RSRP1: variants seen among roughly 807,000 people sequenced by gnomAD.
RSRP1 encodes the protein arginine and serine rich protein 1.
In RSRP1, 37 loss-of-function variants were observed where a neutral mutation model predicts 33.0. The ratio of observed to expected loss-of-function variants is 1.12; its 90% CI spans 0.86 to 1.48. The LOEUF (loss-of-function observed/expected upper bound fraction) is 1.48, where lower values mean the gene tolerates loss of function less well. Ranked by LOEUF, RSRP1 falls within the 40% of genes most tolerant of loss-of-function variation. RSRP1 has a pLI of 0.00. For missense variants in RSRP1, 402 were observed against 385.3 expected, an observed-to-expected ratio of 1.04 and a Z score of -0.36; for synonymous variants, 167 against 158.7, an observed-to-expected ratio of 1.05 and a Z score of -0.40.
intron 1 of RSRP1, among the ~76,000 whole-genome samples, chr1:25,271,041 C>T (rs1293171134): frequency 4.6e-5 from 6 of 130,334 alleles, no homozygotes; most frequent in Admixed American, 2.3e-4. Context: ...TTGATAAAAG[C>T]GTTTTCCTCT....
At chr1:25,299,675 C>A (rs138535397) in intron 1 of RSRP1, among the ~76,000 whole-genome samples, 3,390 of 96,518 alleles carry the variant, frequency 0.035, 27 homozygotes, top group Non-Finnish European at 0.046. Context: ...TGGCAAGAAC[C>A]TGGACCTTGA....
chr1:25,307,742 C>G lies in RSRP1; in HGVS notation c.-67+30236G>C, dbSNP rs547427205. On this transcript the variant is annotated intron_variant, in intron 1 of 1. Transcript: ENST00000561867. The stretch of plus-strand genomic sequence containing the variant: ...TCTCAGAGAAATCATGGAGGCGCTG[C>G]GGTTCCTACCGGTTCTTGGATGCCT... 3.4e-4 allele frequency: 448 copies of G among 1,306,226 alleles called. 67 individuals are homozygous for G. The African/African-American group carries it at 4.9e-3, about 14-fold the overall frequency. The allele number at this position is 1,306,226 out of a possible 1,614,324, so 80.9% of individuals were successfully genotyped here. A position where few individuals can be genotyped will look rare whatever the true frequency, so the allele number is the denominator to read the frequency against.
chr1:25,319,811 A>G (rs1458257263), intron 1 of RSRP1, among the ~76,000 whole-genome samples: 2 of 132,738 alleles, frequency 1.5e-5, no homozygotes, highest in Non-Finnish European at 1.8e-5. Flanking sequence ...GAAATAGCAG[A>G]TTAGAGGTGG....
chr1:25,287,938 G>A lies in RSRP1; in HGVS notation c.-66-40909C>T, dbSNP rs181952145. Reference sequence around the variant, plus strand: ...GGGTTTCACCAGGTGGGTCAGGTTGGTCTGGAACTCCCGACCTCAAGTGAT... The same window carrying A: ...GGGTTTCACCAGGTGGGTCAGGTTGATCTGGAACTCCCGACCTCAAGTGAT... On this transcript the variant is annotated intron_variant, in intron 1 of 1. Transcript: ENST00000561867. Among the ~76,000 whole-genome samples the A allele has an allele frequency of 2.0e-4, 27 of 132,212 alleles. 5 individuals are homozygous for A. The highest frequency in any genetic ancestry group is 4.8e-4 in the Non-Finnish European group (27 of 55,764). The allele number at this position is 132,212 out of a possible 152,430, so 86.7% of individuals were successfully genotyped here.
rs1225876530 is a variant in RSRP1, at chr1:25,330,427, T to C, written c.-67+7551A>G. On this transcript the variant is annotated intron_variant, in intron 1 of 1. Transcript: ENST00000561867. ...TTACATAATACTTGAAAAATAAAAA[T>C]GAACAAGCTAACAAACTACCAAGTT... The C allele has an allele frequency of 1.5e-5, 2 of 133,168 alleles. 1 individual carries two copies. The highest frequency in any genetic ancestry group is 5.1e-5 in the African/African-American group (2 of 39,044). 8.2% of individuals were successfully genotyped at this position (133,168 alleles called of 1,614,324 possible). A position where few individuals can be genotyped will look rare whatever the true frequency, so the allele number is the denominator to read the frequency against.
At chr1:25,289,701 G>A (rs1642326329) in intron 1 of RSRP1, among the ~76,000 whole-genome samples, 1 of 126,346 alleles carries the variant, frequency 7.9e-6, no homozygotes, top group African/African-American at 2.7e-5. Flanking sequence ...CCTCCAGGAA[G>A]TCCTCCCTGA....
Position 25,301,665 on chromosome 1 carries a change from C to A in RSRP1, c.-67+36313G>T, listed in dbSNP as rs1170243924. ...CCATCTCAGGGTCATCCTTGGCTCA[C>A]CCCCAAGGGAAGATCAGCAAGGTGA... On this transcript the variant is annotated intron_variant, in intron 1 of 1. Transcript: ENST00000561867. 38 of 1,379,722 alleles carry A rather than the reference C, an allele frequency of 2.8e-5. 11 individuals carry two copies. Among genetic ancestry groups the A allele is most frequent in the Admixed American group, 8.8e-5 (5 of 56,512 alleles). The allele number at this position is 1,379,722 out of a possible 1,614,324, so 85.5% of individuals were successfully genotyped here.
chr1:25,288,755 ACTGT>A (rs1212504964), intron 1 of RSRP1, among the ~76,000 whole-genome samples: 2 of 125,902 alleles, frequency 1.6e-5, no homozygotes, highest in African/African-American at 5.5e-5. Context: ...ACTGCACATC[ACTGT>A]CTTAGCACCT....
chr1:25,334,068 T>G (rs1645048954), intron 1 of RSRP1, among the ~76,000 whole-genome samples: 1 of 129,444 alleles, frequency 7.7e-6, no homozygotes, highest in Non-Finnish European at 1.8e-5. Context: ...CTTAAATGAT[T>G]TCAGCATTAA....
chr1:25,305,080 G>C (rs1193950252), intron 1 of RSRP1, among the ~76,000 whole-genome samples: 6 of 132,942 alleles, frequency 4.5e-5, no homozygotes, highest in South Asian at 2.3e-4. Flanking sequence ...AGAACAGCAA[G>C]AGGGCACATC....
rs1189551719 is a variant in RSRP1 at position 25,242,313 on chromosome 1, A to T, written c.*276T>A. On this transcript the variant is annotated 3_prime_UTR_variant, in exon 5 of 5. Transcript: ENST00000243189. ...GGAATACAGTTCAATTACTGTGTCTAAAAAATTTCATTTTTACATAACCAA... is the reference window on the plus strand; with the variant it reads ...GGAATACAGTTCAATTACTGTGTCTTAAAAATTTCATTTTTACATAACCAA... 4.5e-6 allele frequency: 1 copy of T among 222,138 alleles called. No homozygotes were observed. Among genetic ancestry groups the T allele is most frequent in the Non-Finnish European group, 8.8e-6 (1 of 113,430 alleles). 13.8% of individuals were successfully genotyped at this position (222,138 alleles called of 1,614,324 possible). A position where few individuals can be genotyped will look rare whatever the true frequency, so the allele number is the denominator to read the frequency against.
intron 1 of RSRP1, among the ~76,000 whole-genome samples, chr1:25,319,602 C>G (rs1391477808): frequency 7.6e-6 from 1 of 132,048 alleles, no homozygotes; most frequent in Non-Finnish European, 1.8e-5. Context: ...GAGCAAGACC[C>G]TGTCTCAAAA....
intron 1 of RSRP1, among the ~76,000 whole-genome samples, chr1:25,270,257 C>T (rs1290084026): frequency 7.7e-6 from 1 of 130,334 alleles, no homozygotes; most frequent in East Asian, 1.9e-4. Context: ...GGCTTAGAAG[C>T]CCATGTTCCT....
At chr1:25,244,591 C>T in intron 3 of RSRP1, 1 of 1,279,730 alleles carries the variant, frequency 7.8e-7, no homozygotes, top group Non-Finnish European at 1.0e-6. Context: ...GCTACAAACA[C>T]TCTGTAAATA....
At chr1:25,269,942 C>T (rs1640442952) in intron 1 of RSRP1, among the ~76,000 whole-genome samples, 1 of 131,684 alleles carries the variant, frequency 7.6e-6, no homozygotes, top group African/African-American at 2.6e-5. Context: ...CCATCAGGTC[C>T]GGGGGTTGGC....
At position 25,245,320 on chromosome 1, in the gene RSRP1, G is replaced by A. The variant is rs753107098; in HGVS notation, c.521-19C>T. ...ATTCGATCTAAAAAAAAAAGAGAGA[G>A]ATTTTAAAATACTCATTAATCTGGT... On this transcript the variant is annotated intron_variant, in intron 2 of 4. Coordinates refer to ENST00000243189, the MANE Select transcript of RSRP1 (RefSeq NM_020317.5). The A allele has an allele frequency of 6.3e-7, 1 of 1,594,316 alleles. No homozygotes were observed. Among genetic ancestry groups the A allele is most frequent in the Non-Finnish European group, 8.6e-7 (1 of 1,166,500 alleles).
At chr1:25,276,928 G>A (rs1172061377) in intron 1 of RSRP1, among the ~76,000 whole-genome samples, 4 of 130,812 alleles carry the variant, frequency 3.1e-5, no homozygotes, top group African/African-American at 1.0e-4. Flanking sequence ...TTAGCCGGGT[G>A]TGGTGGCGGG....
intron 1 of RSRP1, chr1:25,306,609 G>A (rs764473605): frequency 1.5e-6 from 2 of 1,377,936 alleles, no homozygotes; most frequent in South Asian, 1.2e-5. Context: ...TGTTGTAACC[G>A]AGTGCTGGGG....
At position 25,245,193 on chromosome 1, in the gene RSRP1, G is replaced by C. The variant is rs928510043; in HGVS notation, c.629C>G (p.Thr210Arg). 1.9e-6 allele frequency: 3 copies of C among 1,614,036 alleles called. No homozygotes were observed. The highest frequency in any genetic ancestry group is 2.5e-6 in the Non-Finnish European group (3 of 1,180,018). Residue 210 changes from threonine (T) to arginine (R), a missense_variant, in exon 3 of 5, where the codon ACA (threonine) becomes AGA (arginine). Coordinates refer to ENST00000243189, the MANE Select transcript of RSRP1 (RefSeq NM_020317.5). ...ACTTGATACACCTATTCCACGGCTTGTTTCTTTGGCTGAAGGAACAGTTCT... is the reference window on the plus strand; with the variant it reads ...ACTTGATACACCTATTCCACGGCTTCTTTCTTTGGCTGAAGGAACAGTTCT... ...SLRTVPSAKE[T>R]SRGIGVSSNG...
Sources: gnomAD v4.1 joint callset for allele counts (sites outside exome capture counted in the v4.1 genomes callset) on GRCh38, gnomAD v4.1.1 for gene constraint, MANE v1.5 for transcripts, NCBI Gene and HGNC (gene_info 2026-07-23, HGNC 2026-07-21) for gene names.